Variants in CSMD3 observed in about 807,000 individuals in gnomAD.
CSMD3 encodes CUB and Sushi multiple domains 3, also known as CUB and sushi domain-containing protein 3.
Under a neutral mutation model 435.2 loss-of-function variants are expected in CSMD3, and 177 were observed. The observed-to-expected ratio is 0.41, with a 90% CI of 0.36 to 0.46. The LOEUF (loss-of-function observed/expected upper bound fraction) is 0.46. CSMD3 is among the 20% of genes least tolerant of loss of function. CSMD3 has a pLI of 0.34. For synonymous variants in CSMD3, 1,656 were observed against 1,520.5 expected (o/e 1.09, Z -2.07); for missense variants, 4,265 against 4,504.6 (o/e 0.95, Z 1.52).
At chr8:112,314,647 C>T (rs758154960) in intron 47 of CSMD3, 30 bp from the exon 48 acceptor site, 3 of 1,521,198 alleles carry the variant, frequency 2.0e-6, no homozygotes, top group East Asian at 4.5e-5. Flanking sequence ...TTAAATAATG[C>T]CAGTCTTTTA....
intron 9 of CSMD3, among the ~76,000 whole-genome samples, chr8:112,934,154 C>T (rs921067811): frequency 5.9e-5 from 9 of 152,018 alleles, no homozygotes; most frequent in Admixed American, 5.3e-4. Flanking sequence ...TGATGCAGAG[C>T]CTGGAAAGCT....
At chr8:112,991,349 G>A (rs2085450387) in intron 6 of CSMD3, among the ~76,000 whole-genome samples, 2 of 151,714 alleles carry the variant, frequency 1.3e-5, no homozygotes, top group South Asian at 4.2e-4. Context: ...GGATTTGGTG[G>A]GACATCAGGA....
intron 54 of CSMD3, among the ~76,000 whole-genome samples, 167 bp downstream of exon 54, chr8:112,295,666 A>G (rs1467756345): frequency 2.6e-5 from 4 of 151,980 alleles, no homozygotes; most frequent in Non-Finnish European, 5.9e-5. Context: ...TCTCTTGAAC[A>G]TATTCCACTT....
intron 53 of CSMD3, among the ~76,000 whole-genome samples, chr8:112,298,222 T>A (rs1820532991): frequency 6.6e-6 from 1 of 152,056 alleles, no homozygotes; most frequent in African/African-American, 2.4e-5. Context: ...CATAAACTAA[T>A]ATAAGATTTA....
At chr8:112,683,303 C>T (rs2075942375) in intron 15 of CSMD3, among the ~76,000 whole-genome samples, 2 of 151,930 alleles carry the variant, frequency 1.3e-5, no homozygotes, top group Non-Finnish European at 2.9e-5. Context: ...ATGTTAGACT[C>T]AGGAAAAGTT....
intron 31 of CSMD3, among the ~76,000 whole-genome samples, chr8:112,482,510 C>T (rs1218784415): frequency 6.6e-6 from 1 of 152,140 alleles, no homozygotes; most frequent in Admixed American, 6.5e-5. Context: ...AAAATAATTT[C>T]AGTACCCATT....
chr8:113,142,673 T>C (rs2091576646), intron 4 of CSMD3, among the ~76,000 whole-genome samples: 1 of 151,050 alleles, frequency 6.6e-6, no homozygotes. Context: ...TAAGATCTAG[T>C]ATTTGACAAC....
chr8:113,358,067 C>G (rs1199668450), intron 1 of CSMD3, among the ~76,000 whole-genome samples: 2 of 152,128 alleles, frequency 1.3e-5, no homozygotes, highest in African/African-American at 2.4e-5. Flanking sequence ...ATAAAAACAT[C>G]ACAAATCTAG....
Position 112,721,297 on chromosome 8 carries a change from G to T in CSMD3, c.1973-31247C>A, listed in dbSNP as rs77665123. ...CATTAGAAATGTTAAAATATTGGCCGGGCATGGTGGCTCATTCCTGCAATC... is the reference window on the plus strand; with the variant it reads ...CATTAGAAATGTTAAAATATTGGCCTGGCATGGTGGCTCATTCCTGCAATC... On this transcript the variant is annotated intron_variant, in intron 13 of 70. Transcript: ENST00000297405. Among the ~76,000 whole-genome samples, 5 of 152,170 alleles carry T rather than the reference G, an allele frequency of 3.3e-5. No individual in the cohort carries two copies. In the South Asian group the frequency reaches 1.0e-3, roughly 32 times the overall value.
At chr8:112,899,629 A>G (rs942658755) in intron 10 of CSMD3, among the ~76,000 whole-genome samples, 1 of 85,360 alleles carries the variant, frequency 1.2e-5, no homozygotes, top group Non-Finnish European at 2.6e-5. Context: ...ATATATATAT[A>G]TATGTATATA....
chr8:112,748,810 T>C (rs2077499742), intron 13 of CSMD3, among the ~76,000 whole-genome samples: 1 of 152,206 alleles, frequency 6.6e-6, no homozygotes, highest in African/African-American at 2.4e-5. Context: ...TTTCTGTCCA[T>C]GTGTATTTAT....
chr8:112,619,575 A>G (rs1833910102), intron 22 of CSMD3, among the ~76,000 whole-genome samples: 1 of 151,962 alleles, frequency 6.6e-6, no homozygotes, highest in Non-Finnish European at 1.5e-5. Context: ...AACTTGTACC[A>G]TATTGTCCCA....
At chr8:112,336,376 T>C (rs1238092124) in intron 44 of CSMD3, among the ~76,000 whole-genome samples, 1 of 152,216 alleles carries the variant, frequency 6.6e-6, no homozygotes, top group African/African-American at 2.4e-5. Flanking sequence ...GTTAACTTCC[T>C]GTTTTAGCAC....
intron 4 of CSMD3, among the ~76,000 whole-genome samples, chr8:113,101,833 A>C (rs1007151520): frequency 1.3e-5 from 2 of 152,078 alleles, no homozygotes; most frequent in Admixed American, 6.6e-5. Context: ...ATGGTGAAAT[A>C]GGTAAACTTT....
chr8:113,365,083 T>C (rs77576975), intron 1 of CSMD3, among the ~76,000 whole-genome samples: 4,530 of 152,168 alleles, frequency 0.03, 91 homozygotes, highest in Admixed American at 0.04. Flanking sequence ...TGTTGAACTA[T>C]AACAATGCCC....
At chr8:112,314,683 G>T (rs1822298913) in intron 47 of CSMD3, 66 bp from the exon 48 acceptor site, 6 of 1,072,150 alleles carry the variant, frequency 5.6e-6, no homozygotes, top group South Asian at 1.3e-5. Context: ...CTGTATTTTA[G>T]ATACTGAGTA....
At chr8:112,744,001 T>A (rs1278657642) in intron 13 of CSMD3, among the ~76,000 whole-genome samples, 3 of 152,080 alleles carry the variant, frequency 2.0e-5, no homozygotes, top group Non-Finnish European at 4.4e-5. Context: ...TGAAATGGTC[T>A]GTTAGGCAAT....
intron 4 of CSMD3, among the ~76,000 whole-genome samples, chr8:113,137,851 CCAT>C (rs1274531460): frequency 1.3e-5 from 2 of 151,516 alleles, no homozygotes; most frequent in East Asian, 3.9e-4. Context: ...CCTTCATATT[CCAT>C]TCACATAACA....
chr8:112,494,497 T>TTC (rs1277913955), intron 30 of CSMD3, among the ~76,000 whole-genome samples: 12 of 20,774 alleles, frequency 5.8e-4, no homozygotes, highest in African/African-American at 1.4e-3. Flanking sequence ...TTTCTCTCCT[T>TTC]TCTTTCTTTC....
Sources: allele counts gnomAD v4.1 joint callset (sites outside exome capture counted in the v4.1 genomes callset), GRCh38; gene constraint gnomAD v4.1.1; transcripts MANE v1.5; gene names NCBI Gene and HGNC (gene_info 2026-07-23, HGNC 2026-07-21).